Variants in PARD3 observed in about 807,000 individuals in gnomAD.
PARD3 encodes partitioning defective 3 homolog.
PARD3 carries 75 observed loss-of-function variants against 155.4 expected under a neutral mutation model. That is an observed-to-expected ratio of 0.48 (90% CI 0.40 to 0.58). The LOEUF (loss-of-function observed/expected upper bound fraction) is 0.58, where lower values mean the gene tolerates loss of function less well. PARD3 is among the 20% of genes least tolerant of loss of function. The pLI, the probability that PARD3 is intolerant of heterozygous loss-of-function variation, is 0.00. For missense variants in PARD3, 1,642 were observed against 1,721.7 expected (o/e 0.95, Z 0.82); for synonymous variants, 576 against 610.5 (o/e 0.94, Z 0.83).
At chr10:34,792,200 C>T (rs981387621) in intron 1 of PARD3, among the ~76,000 whole-genome samples, 4 of 152,168 alleles carry the variant, frequency 2.6e-5, no homozygotes, top group African/African-American at 9.7e-5. Context: ...CTGGCTCCAC[C>T]CAACGCTGGG....
chr10:34,226,359 G>C (rs189558736), intron 22 of PARD3, among the ~76,000 whole-genome samples: 111 of 152,318 alleles, frequency 7.3e-4, no homozygotes, highest in Non-Finnish European at 1.2e-3. Context: ...AGACCAGCCT[G>C]ACCAACATGG....
intron 5 of PARD3, 120 bp from the exon 6 acceptor site, chr10:34,402,037 T>C: frequency 1.2e-6 from 1 of 804,808 alleles, no homozygotes; most frequent in Admixed American, 1.9e-5. Context: ...CTGTTTCCTC[T>C]AAGAAGGATG....
At chr10:34,575,263 A>G (rs1240344165) in intron 2 of PARD3, among the ~76,000 whole-genome samples, 4 of 152,218 alleles carry the variant, frequency 2.6e-5, no homozygotes, top group African/African-American at 9.6e-5. Context: ...GCTTAATATT[A>G]CATGATAATG....
chr10:34,149,245 T>C (rs1376992365), intron 22 of PARD3, among the ~76,000 whole-genome samples: 1 of 152,110 alleles, frequency 6.6e-6, no homozygotes, highest in Non-Finnish European at 1.5e-5. Flanking sequence ...TAGGTAGAAA[T>C]CATCTAGTGA....
At chr10:34,475,173 C>T (rs1024274282) in intron 3 of PARD3, among the ~76,000 whole-genome samples, 1 of 152,130 alleles carries the variant, frequency 6.6e-6, no homozygotes, top group African/African-American at 2.4e-5. Flanking sequence ...ATGAGAACAA[C>T]TTTAAAATAT....
At chr10:34,176,994 T>C (rs1289105778) in intron 22 of PARD3, among the ~76,000 whole-genome samples, 1 of 151,202 alleles carries the variant, frequency 6.6e-6, no homozygotes, top group Admixed American at 6.6e-5. Context: ...TGTGTCGGGG[T>C]GTGTGTGGTG....
intron 22 of PARD3, among the ~76,000 whole-genome samples, chr10:34,183,705 G>A (rs904571134): frequency 2.0e-5 from 3 of 152,180 alleles, no homozygotes; most frequent in Non-Finnish European, 4.4e-5. Context: ...GTCTCCTCCA[G>A]CATCCCAATA....
At chr10:34,383,425 A>C (rs1842053109) in intron 8 of PARD3, among the ~76,000 whole-genome samples, 1 of 150,306 alleles carries the variant, frequency 6.7e-6, no homozygotes, top group African/African-American at 2.5e-5. Flanking sequence ...AGAAGACTAT[A>C]GAAAGTAACT....
chr10:34,644,800 T>C (rs1353996133), intron 2 of PARD3, among the ~76,000 whole-genome samples: 1 of 152,206 alleles, frequency 6.6e-6, no homozygotes, highest in Non-Finnish European at 1.5e-5. Context: ...CAATTTCTCA[T>C]ACAGTTTATG....
At chr10:34,741,053 T>C (rs1261317006) in intron 1 of PARD3, among the ~76,000 whole-genome samples, 1 of 152,180 alleles carries the variant, frequency 6.6e-6, no homozygotes, top group Admixed American at 6.5e-5. Context: ...CTGGCCTATT[T>C]GTGGGTGAAC....
Position 34,110,838 on chromosome 10 carries a change from G to A in PARD3, c.*331C>T. ...CTCCACTTCAGGTGAATTTGTCACT[G>A]CAAGTGGTGCAGGGATGTTACAACC... On this transcript the variant is annotated 3_prime_UTR_variant, in exon 25 of 25. Transcript: ENST00000374788. 5.2e-6 allele frequency: 1 copy of A among 191,280 alleles called. No homozygotes were observed. Among genetic ancestry groups the A allele is most frequent in the Admixed American group, 5.9e-5 (1 of 17,052 alleles). 11.8% of individuals were successfully genotyped at this position (191,280 alleles called of 1,614,324 possible).
At chr10:34,371,920 T>C (rs1840708949) in intron 12 of PARD3, among the ~76,000 whole-genome samples, 1 of 152,136 alleles carries the variant, frequency 6.6e-6, no homozygotes, top group Non-Finnish European at 1.5e-5. Context: ...AAGCTTACTC[T>C]TTTATCCCCA....
intron 5 of PARD3, among the ~76,000 whole-genome samples, chr10:34,443,370 T>C (rs1200212934): frequency 4.6e-5 from 7 of 152,162 alleles, no homozygotes; most frequent in East Asian, 1.9e-4. Context: ...ATATAACTTA[T>C]ATATTGTGTA....
At chr10:34,684,808 CACA>C (rs2093917344) in intron 2 of PARD3, among the ~76,000 whole-genome samples, 1 of 124,540 alleles carries the variant, frequency 8.0e-6, no homozygotes, top group African/African-American at 4.0e-5. Flanking sequence ...CACACACACA[CACA>C]CACACACACA....
intron 2 of PARD3, among the ~76,000 whole-genome samples, chr10:34,568,610 T>A (rs2086146011): frequency 6.6e-6 from 1 of 152,232 alleles, no homozygotes; most frequent in Non-Finnish European, 1.5e-5. Context: ...AATAATGATT[T>A]ACACACTCTT....
chr10:34,668,960 T>A (rs761838938), intron 2 of PARD3, among the ~76,000 whole-genome samples: 2 of 152,182 alleles, frequency 1.3e-5, no homozygotes, highest in Admixed American at 6.5e-5. Context: ...TTATGAGCAT[T>A]GTTCTAGGAC....
At chr10:34,677,088 G>A (rs964806455) in intron 2 of PARD3, among the ~76,000 whole-genome samples, 11 of 152,264 alleles carry the variant, frequency 7.2e-5, no homozygotes, top group East Asian at 1.9e-4. Context: ...CAGTTTCTGC[G>A]GAAGGAAGTA....
chr10:34,253,259 T>C (rs1954437418), intron 22 of PARD3, among the ~76,000 whole-genome samples: 1 of 152,230 alleles, frequency 6.6e-6, no homozygotes, highest in African/African-American at 2.4e-5. Flanking sequence ...TTGTGTCAAG[T>C]AGGTGCGCAA....
chr10:34,349,252 T>G (rs1304001056), intron 14 of PARD3, among the ~76,000 whole-genome samples: 1 of 152,188 alleles, frequency 6.6e-6, no homozygotes, highest in Non-Finnish European at 1.5e-5. Flanking sequence ...ATAAATGAGA[T>G]ATTTAATGAA....
Sources: allele counts gnomAD v4.1 joint callset (sites outside exome capture counted in the v4.1 genomes callset), GRCh38; gene constraint gnomAD v4.1.1; transcripts MANE v1.5; gene names NCBI Gene and HGNC (gene_info 2026-07-23, HGNC 2026-07-21).